MIER1: variants seen among roughly 807,000 people sequenced by gnomAD.
MIER1 encodes the protein MIER1 transcriptional regulator.
Under a neutral mutation model 75.7 loss-of-function variants are expected in MIER1, and 40 were observed. The observed-to-expected ratio is 0.53, with a 90% CI of 0.41 to 0.69. The LOEUF (loss-of-function observed/expected upper bound fraction) is 0.69. MIER1 is among the 30% of genes least tolerant of loss of function. The pLI, the probability that MIER1 is intolerant of heterozygous loss-of-function variation, is 0.00. For missense variants in MIER1, 574 were observed against 680.2 expected (o/e 0.84, Z 1.74); for synonymous variants, 213 against 223.4 (o/e 0.95, Z 0.42).
chr1:66,956,663 G>C (rs1031103704), intron 4 of MIER1, among the ~76,000 whole-genome samples: 4 of 152,142 alleles, frequency 2.6e-5, no homozygotes, highest in African/African-American at 9.7e-5. Flanking sequence ...GCAATACCTT[G>C]CCTTGATAAA....
chr1:66,978,246 C>CAGA (rs1299555165), intron 12 of MIER1, among the ~76,000 whole-genome samples: 7 of 151,186 alleles, frequency 4.6e-5, no homozygotes, highest in Non-Finnish European at 1.0e-4. Context: ...TCTTGCTCTT[C>CAGA]AGACTCCTAA....
In MIER1 at chr1:66,959,090, C is replaced by A. The variant is rs1660728796; in HGVS notation, c.634+107C>A. On this transcript the variant is annotated intron_variant, in intron 6 of 13. Coordinates refer to ENST00000401041, the MANE Select transcript of MIER1 (RefSeq NM_001077700.3). ...CTTTGAATTCATTTAGTCTGAAATTCTTTTCAACAGTAAATGGATTTTGTT... is the reference window on the plus strand; with the variant it reads ...CTTTGAATTCATTTAGTCTGAAATTATTTTCAACAGTAAATGGATTTTGTT... The A allele has an allele frequency of 6.5e-6, 6 of 921,160 alleles. No individual in the cohort carries two copies. The South Asian group carries it at 6.9e-5, about 11-fold the overall frequency. The allele number at this position is 921,160 out of a possible 1,614,324, so 57.1% of individuals were successfully genotyped here. A position where few individuals can be genotyped will look rare whatever the true frequency, so the allele number is the denominator to read the frequency against.
intron 13 of MIER1, 91 bp from the exon 14 acceptor site, chr1:66,984,481 C>CT: frequency 5.2e-6 from 5 of 958,288 alleles, no homozygotes; most frequent in Non-Finnish European, 7.8e-6. Flanking sequence ...ACCTTGCTTC[C>CT]TTGATAACAA....
chr1:66,971,791 T>A, intron 10 of MIER1, 55 bp downstream of exon 10: 1 of 980,376 alleles, frequency 1.0e-6, no homozygotes, highest in Non-Finnish European at 1.5e-6. Flanking sequence ...AAAATTAAGC[T>A]TTTCAGTTTA....
At chr1:66,967,644 AT>A (rs34847834) in intron 8 of MIER1, among the ~76,000 whole-genome samples, 32,124 of 142,536 alleles carry the variant, frequency 0.23, 3,567 homozygotes, top group Non-Finnish European at 0.26. Flanking sequence ...ATATCATTCC[AT>A]TTTTTTTTTT....
At chr1:66,948,325 A>T in intron 4 of MIER1, 5 of 623,714 alleles carry the variant, frequency 8.0e-6, no homozygotes, top group Non-Finnish European at 1.0e-5. Context: ...ACATAATATC[A>T]TGAAAAATGA....
At chr1:66,956,630 C>T (rs943060504) in intron 4 of MIER1, among the ~76,000 whole-genome samples, 2 of 152,118 alleles carry the variant, frequency 1.3e-5, no homozygotes, top group African/African-American at 4.8e-5. Flanking sequence ...ATTTGTTTGC[C>T]AGCTGGTTAT....
intron 4 of MIER1, chr1:66,947,107 C>T: frequency 1.8e-6 from 1 of 546,896 alleles, no homozygotes; most frequent in Non-Finnish European, 2.3e-6. Context: ...GACCTCTCCC[C>T]CGGCATACTG....
chr1:66,941,780 G>A (rs570985297), intron 3 of MIER1, among the ~76,000 whole-genome samples: 2 of 152,196 alleles, frequency 1.3e-5, no homozygotes, highest in South Asian at 4.1e-4. Flanking sequence ...AGACTAGCCT[G>A]GCCAACATGG....
At chr1:66,959,811 A>ATTTTTTAT (rs1553250956) in intron 7 of MIER1, 68 bp downstream of exon 7, 2 of 483,312 alleles carry the variant, frequency 4.1e-6, no homozygotes, top group African/African-American at 4.2e-5. Context: ...TCGTGTAATT[A>ATTTTTTAT]TTTTTTTTTT....
chr1:66,966,786 A>C (rs565226694), intron 8 of MIER1, among the ~76,000 whole-genome samples: 48 of 151,946 alleles, frequency 3.2e-4, no homozygotes, highest in African/African-American at 1.1e-3. Flanking sequence ...GTTGATGGAC[A>C]CTTTTTTTGC....
chr1:66,928,926 C>T (rs1652452720), intron 2 of MIER1: 8 of 1,609,352 alleles, frequency 5.0e-6, no homozygotes, highest in Non-Finnish European at 6.8e-6. Context: ...AATTGGTTTA[C>T]AGACTGTCTG....
At chr1:66,952,325 T>G (rs951038287) in intron 4 of MIER1, among the ~76,000 whole-genome samples, 1 of 152,178 alleles carries the variant, frequency 6.6e-6, no homozygotes, top group Non-Finnish European at 1.5e-5. Flanking sequence ...CTGGAACAGG[T>G]GACTGACAGG....
intron 3 of MIER1, among the ~76,000 whole-genome samples, chr1:66,941,663 A>G (rs959375592): frequency 6.6e-6 from 1 of 152,172 alleles, no homozygotes; most frequent in Non-Finnish European, 1.5e-5. Flanking sequence ...CTGGAAGAAT[A>G]ATGGAGTTTG....
intron 4 of MIER1, chr1:66,946,602 T>G (rs1657708484): frequency 6.8e-6 from 7 of 1,026,886 alleles, no homozygotes; most frequent in Non-Finnish European, 8.2e-6. Context: ...TCATATATCC[T>G]TTGTCCTTCC....
At chr1:66,926,709 A>C (rs564469131) in intron 2 of MIER1, among the ~76,000 whole-genome samples, 1 of 152,310 alleles carries the variant, frequency 6.6e-6, no homozygotes, top group East Asian at 1.9e-4. Flanking sequence ...TTGCTTTTAA[A>C]TAAAAATTTC....
At chr1:66,975,103 G>A (rs892295549) in intron 11 of MIER1, among the ~76,000 whole-genome samples, 1 of 152,192 alleles carries the variant, frequency 6.6e-6, no homozygotes, top group African/African-American at 2.4e-5. Context: ...TGTTGGGTAA[G>A]GGAGGGTATC....
intron 4 of MIER1, among the ~76,000 whole-genome samples, chr1:66,953,757 CCAT>C (rs1659516847): frequency 6.6e-6 from 1 of 151,996 alleles, no homozygotes; most frequent in Admixed American, 6.6e-5. Context: ...GCCCACACCA[CCAT>C]GCCTGGCTAA....
intron 2 of MIER1, among the ~76,000 whole-genome samples, chr1:66,927,526 G>A (rs1652121981): frequency 1.3e-5 from 2 of 152,076 alleles, no homozygotes; most frequent in Non-Finnish European, 2.9e-5. Context: ...AACTCTTCTA[G>A]TATGAATAGG....
Sources: allele counts gnomAD v4.1 joint callset (sites outside exome capture counted in the v4.1 genomes callset), GRCh38; gene constraint gnomAD v4.1.1; transcripts MANE v1.5; gene names NCBI Gene and HGNC (gene_info 2026-07-23, HGNC 2026-07-21).